ARHGAP29: variants seen among roughly 807,000 people sequenced by gnomAD.
ARHGAP29 encodes rho GTPase-activating protein 29.
ARHGAP29 carries 43 observed loss-of-function variants against 122.6 expected under a neutral mutation model. The ratio of observed to expected loss-of-function variants is 0.35; its 90% CI spans 0.27 to 0.45. The LOEUF (loss-of-function observed/expected upper bound fraction) is 0.45. Among genes scored for constraint, ARHGAP29 ranks in the 20% least tolerant of loss-of-function variants. The probability of loss-of-function intolerance (pLI) is 1.00; values close to 1 mark genes in which losing one functional copy is unlikely to be tolerated. For synonymous variants in ARHGAP29, 506 were observed against 497.1 expected, an observed-to-expected ratio of 1.02 and a Z score of -0.24; for missense variants, 1,303 against 1,477.2, an observed-to-expected ratio of 0.88 and a Z score of 1.93.
intron 1 of ARHGAP29, among the ~76,000 whole-genome samples, chr1:94,257,464 T>C (rs535636586): frequency 1.4e-3 from 218 of 152,160 alleles, no homozygotes; most frequent in African/African-American, 5.0e-3. Flanking sequence ...TCTCAGCACT[T>C]TGGGAGGCTA....
chr1:94,197,264 T>G (rs769165807), intron 12 of ARHGAP29, among the ~76,000 whole-genome samples: 7 of 151,482 alleles, frequency 4.6e-5, no homozygotes, highest in Non-Finnish European at 7.4e-5. Context: ...ACAACCTAGA[T>G]AAAAAGGACC....
chr1:94,220,341 A>G lies in ARHGAP29; in HGVS notation c.257T>C (p.Leu86Ser), dbSNP rs747496900. The change falls in exon 3 of 23, where the codon TTA becomes TCA. Residue 86 changes from leucine to serine, a missense_variant. This residue lies in a region of ARHGAP29 where 592 missense variants were observed against 648.2 expected (regional missense o/e 0.91). Transcript: ENST00000260526. The stretch of plus-strand genomic sequence containing the variant: ...CTGATGTTTATTCATTATAGACTTT[A>G]AAACACGGAGCAGTTCCTCTAGACG... ...HIRLEELLRV[L>S]KSIMNKHQNL... 6.2e-7 allele frequency: 1 copy of G among 1,612,536 alleles called. No homozygotes were observed. The highest frequency in any genetic ancestry group is 1.1e-5 in the South Asian group (1 of 91,028).
At chr1:94,267,090 G>T (rs1056041874) in intron 1 of ARHGAP29, among the ~76,000 whole-genome samples, 19 of 152,142 alleles carry the variant, frequency 1.2e-4, no homozygotes, top group Non-Finnish European at 2.5e-4. Flanking sequence ...TATATCTCAA[G>T]TTGAAATTAC....
At chr1:94,232,938 T>C (rs541885171) in intron 1 of ARHGAP29, among the ~76,000 whole-genome samples, 49 of 151,796 alleles carry the variant, frequency 3.2e-4, no homozygotes, top group African/African-American at 1.1e-3. Context: ...TTTGGTTTTT[T>C]TTTTTTTTGG....
rs761510733 is a variant in ARHGAP29 at position 94,189,224 on chromosome 1, T to G, written c.1568A>C (p.Asp523Ala). 6.2e-7 allele frequency: 1 copy of G among 1,609,698 alleles called. No homozygotes were observed. The highest frequency in any genetic ancestry group is 1.7e-5 in the Admixed American group (1 of 59,158). Residue 523 changes from aspartate (D) to alanine (A), a missense_variant, in exon 14 of 23, where the codon GAT becomes GCT. By Grantham distance (126) the Asp-to-Ala change is moderately radical. Coordinates refer to ENST00000260526, the MANE Select transcript of ARHGAP29 (RefSeq NM_004815.4). ...IEEDRCSNSA[D>A]ITGPSFIRSW... ...TTAGGGTGGAAAACTACCTGTTATATCTGCACTGTTAGAGCATCTGTCCTC... is the reference window on the plus strand; with the variant it reads ...TTAGGGTGGAAAACTACCTGTTATAGCTGCACTGTTAGAGCATCTGTCCTC...
At chr1:94,189,737 A>G (rs1650022097) in intron 13 of ARHGAP29, among the ~76,000 whole-genome samples, 189 bp downstream of exon 13, 1 of 152,166 alleles carries the variant, frequency 6.6e-6, no homozygotes, top group Non-Finnish European at 1.5e-5. Flanking sequence ...CAAAATGGAA[A>G]GGCTCACTGT....
chr1:94,292,981 G>T, the ARHGAP29 span, among the ~76,000 whole-genome samples: 1 of 152,180 alleles, frequency 6.6e-6, no homozygotes, highest in East Asian at 1.9e-4. Context: ...GAAAACCACT[G>T]CTCTCTTCAG....
chr1:94,228,886 T>C (rs542633873), intron 2 of ARHGAP29, among the ~76,000 whole-genome samples: 1 of 151,932 alleles, frequency 6.6e-6, no homozygotes, highest in Admixed American at 6.6e-5. Context: ...CAGATAAAAG[T>C]TATTACAGAA....
At chr1:94,302,722 T>C in the ARHGAP29 span, 1 of 391,762 alleles carries the variant, frequency 2.6e-6, no homozygotes, top group South Asian at 2.0e-5. Flanking sequence ...GCCTTCCATG[T>C]ACCCACTGCC....
At chr1:94,242,233 C>G (rs1396845684), upstream of ARHGAP29, among the ~76,000 whole-genome samples, 1 of 152,038 alleles carries the variant, frequency 6.6e-6, no homozygotes, top group African/African-American at 2.4e-5. Context: ...TTTCATCAGC[C>G]AGAGTAGAGA....
chr1:94,188,441 TA>T (rs530746675), intron 15 of ARHGAP29, among the ~76,000 whole-genome samples: 8 of 150,938 alleles, frequency 5.3e-5, no homozygotes, highest in Middle Eastern at 3.4e-3. Context: ...ACATAGATCT[TA>T]AAAAAAAACA....
At chr1:94,247,703 A>ACACCAC (rs568949677) in intron 1 of ARHGAP29, among the ~76,000 whole-genome samples, 63 of 151,032 alleles carry the variant, frequency 4.2e-4, no homozygotes, top group East Asian at 1.4e-3. Flanking sequence ...GCAGCCACAG[A>ACACCAC]CACCACCACC....
chr1:94,242,039 A>G (rs745488303), upstream of ARHGAP29, among the ~76,000 whole-genome samples: 10 of 152,132 alleles, frequency 6.6e-5, no homozygotes, highest in Non-Finnish European at 1.3e-4. Flanking sequence ...ACAGAGTACC[A>G]GAGACTAAGG....
At chr1:94,288,204 T>C in the ARHGAP29 span, among the ~76,000 whole-genome samples, 3 of 152,254 alleles carry the variant, frequency 2.0e-5, no homozygotes, top group Non-Finnish European at 4.4e-5. Context: ...TGGTGTGAGA[T>C]AGTATCTCAT....
At chr1:94,265,317 C>T (rs1235631819) in intron 1 of ARHGAP29, among the ~76,000 whole-genome samples, 1 of 152,214 alleles carries the variant, frequency 6.6e-6, no homozygotes, top group African/African-American at 2.4e-5. Context: ...CTATAAGCTG[C>T]CCTGGCAGGC....
chr1:94,202,538 C>A lies in ARHGAP29; in HGVS notation c.1143+6G>T, dbSNP rs777788207. On this transcript the variant is annotated splice_donor_region_variant and intron_variant, in intron 11 of 22. Coordinates refer to ENST00000260526, the MANE Select transcript of ARHGAP29 (RefSeq NM_004815.4). ...ACTTGCAAATAAAAAAGAAAAAGAT[C>A]GTTACTTTTTGGAGAGCCTCCTCTT... The A allele has an allele frequency of 3.7e-6, 6 of 1,612,576 alleles. No individual in the cohort carries two copies. The highest frequency in any genetic ancestry group is 4.5e-5 in the East Asian group (2 of 44,878).
chr1:94,296,322 G>A, the ARHGAP29 span, among the ~76,000 whole-genome samples: 1 of 152,124 alleles, frequency 6.6e-6, no homozygotes, highest in Non-Finnish European at 1.5e-5. Flanking sequence ...CAGTGCTTGT[G>A]TTCAAGTCAC....
chr1:94,283,769 G>A, the ARHGAP29 span, among the ~76,000 whole-genome samples: 1 of 152,106 alleles, frequency 6.6e-6, no homozygotes, highest in Admixed American at 6.6e-5. Context: ...AACAAACAAG[G>A]TGCATTTAAA....
At chr1:94,255,287 T>A (rs925353933) in intron 1 of ARHGAP29, among the ~76,000 whole-genome samples, 1 of 152,188 alleles carries the variant, frequency 6.6e-6, no homozygotes, top group East Asian at 1.9e-4. Context: ...TGGCCATCTA[T>A]CTACAAGTTG....
Sources: gnomAD v4.1 joint callset for allele counts (sites outside exome capture counted in the v4.1 genomes callset) on GRCh38, gnomAD v4.1.1 for gene constraint, gnomAD v4.1.1 regional missense constraint, MANE v1.5 for transcripts, NCBI Gene and HGNC (gene_info 2026-07-23, HGNC 2026-07-21) for gene names.